ATXN7L1: variants seen among roughly 807,000 people sequenced by gnomAD.
ATXN7L1 encodes ataxin 7 like 1.
In ATXN7L1, 15 loss-of-function variants were observed where a neutral mutation model predicts 70.8. The observed-to-expected ratio is 0.21, with a 90% confidence interval of 0.14 to 0.33. The LOEUF (loss-of-function observed/expected upper bound fraction) is 0.33, where lower values mean the gene tolerates loss of function less well. Ranked by LOEUF, ATXN7L1 falls within the 10% of genes least tolerant of loss-of-function variation. The pLI is 1.00. For missense variants in ATXN7L1, 975 were observed against 1,097.1 expected (o/e 0.89, Z 1.57); for synonymous variants, 440 against 445.1 (o/e 0.99, Z 0.14).
chr7:105,780,711 TA>T (rs763728834), intron 3 of ATXN7L1, among the ~76,000 whole-genome samples: 212 of 151,648 alleles, frequency 1.4e-3, no homozygotes, highest in African/African-American at 3.6e-3. Context: ...CTTTTGCCTT[TA>T]AAAAAAAATT....
intron 3 of ATXN7L1, among the ~76,000 whole-genome samples, chr7:105,728,830 AG>A (rs1384649057): frequency 6.6e-6 from 1 of 152,222 alleles, no homozygotes; most frequent in Non-Finnish European, 1.5e-5. Flanking sequence ...TGTGTATCAA[AG>A]GGACACAAGA....
intron 3 of ATXN7L1, among the ~76,000 whole-genome samples, chr7:105,743,604 T>C (rs1408319719): frequency 2.0e-5 from 3 of 152,160 alleles, no homozygotes; most frequent in Non-Finnish European, 2.9e-5. Flanking sequence ...AGTCCGTGAC[T>C]ATGCTGAATG....
chr7:105,804,884 A>G (rs1253765812), intron 2 of ATXN7L1, among the ~76,000 whole-genome samples: 1 of 152,160 alleles, frequency 6.6e-6, no homozygotes, highest in African/African-American at 2.4e-5. Context: ...CTGGATCTTA[A>G]CTCTTAGGAT....
chr7:105,630,610 T>A (rs1388423641), intron 7 of ATXN7L1, among the ~76,000 whole-genome samples: 1 of 152,054 alleles, frequency 6.6e-6, no homozygotes, highest in Non-Finnish European at 1.5e-5. Flanking sequence ...TAGTCCCAGC[T>A]ACTCGGGAGG....
At chr7:105,743,383 A>T (rs1228517905) in intron 3 of ATXN7L1, among the ~76,000 whole-genome samples, 4 of 152,138 alleles carry the variant, frequency 2.6e-5, no homozygotes. Flanking sequence ...CTTCAGCTGC[A>T]CCTGAGTAAG....
intron 2 of ATXN7L1, among the ~76,000 whole-genome samples, chr7:105,853,506 A>G (rs1308320125): frequency 6.6e-6 from 1 of 152,128 alleles, no homozygotes; most frequent in Non-Finnish European, 1.5e-5. Flanking sequence ...GTGAGCAGAG[A>G]TCGCACCATT....
At chr7:105,789,607 C>G (rs1804833618) in intron 2 of ATXN7L1, among the ~76,000 whole-genome samples, 1 of 151,988 alleles carries the variant, frequency 6.6e-6, no homozygotes, top group African/African-American at 2.4e-5. Flanking sequence ...GAAGCTGAAG[C>G]CAAGGAAGGA....
chr7:105,796,598 ACTGTAGT>A (rs1371547079), intron 2 of ATXN7L1, among the ~76,000 whole-genome samples: 1 of 152,176 alleles, frequency 6.6e-6, no homozygotes, highest in African/African-American at 2.4e-5. Context: ...AAGAACAGCA[ACTGTAGT>A]TCAAGGATAT....
chr7:105,624,876 C>T (rs930032962), intron 7 of ATXN7L1, among the ~76,000 whole-genome samples: 6 of 152,120 alleles, frequency 3.9e-5, no homozygotes, highest in African/African-American at 1.4e-4. Flanking sequence ...GATATGGGAA[C>T]GTGACAAAGT....
In ATXN7L1 at chr7:105,673,694, G is replaced by A. The variant is rs370550623; in HGVS notation, c.356-8406C>T. 9.2e-5 allele frequency among the ~76,000 whole-genome samples: 14 copies of A among 152,314 alleles called. No homozygotes were observed. In the East Asian group the frequency reaches 1.5e-3, roughly 17 times the overall value. On this transcript the variant is annotated intron_variant, in intron 3 of 11. Transcript: ENST00000419735. ...GGCTGGCACCTTGGCACTGGGAGCC[G>A]TGCCAGGAGCCAGGCCAGCTGTACT...
chr7:105,807,904 G>C (rs1807852420), intron 2 of ATXN7L1, among the ~76,000 whole-genome samples: 1 of 152,244 alleles, frequency 6.6e-6, no homozygotes, highest in African/African-American at 2.4e-5. Flanking sequence ...AAGCCATCAA[G>C]TTTTGGGGTG....
At chr7:105,698,313 G>A (rs1258657831) in intron 3 of ATXN7L1, among the ~76,000 whole-genome samples, 1 of 152,090 alleles carries the variant, frequency 6.6e-6, no homozygotes, top group Admixed American at 6.6e-5. Flanking sequence ...TGTAACTGAT[G>A]TCACAATGTC....
rs755233200 is a variant in ATXN7L1, at chr7:105,876,550, C to T, written c.9G>A (p.Ser3=). Reference sequence around the variant, plus strand: ...AGAGACACGGGATTCGAGAACGCTCCGACGTCATCTTCGGAACGTTCCGAC... The same window carrying T: ...AGAGACACGGGATTCGAGAACGCTCTGACGTCATCTTCGGAACGTTCCGAC... MT[S]ERSRIPCLSA... is the part of the protein sequence containing the mutation. The change falls in exon 1 of 12, where the codon TCG becomes TCA. Residue 3 remains serine (S), a synonymous_variant. Transcript: ENST00000419735. 1 of 1,565,926 alleles carries T rather than the reference C, an allele frequency of 6.4e-7. No individual in the cohort carries two copies. Among genetic ancestry groups the T allele is most frequent in the South Asian group, 1.1e-5 (1 of 90,074 alleles).
chr7:105,819,067 C>G (rs370731555), intron 2 of ATXN7L1, among the ~76,000 whole-genome samples: 1 of 146,036 alleles, frequency 6.8e-6, no homozygotes, highest in South Asian at 2.2e-4. Flanking sequence ...CGGTGTGTGA[C>G]GTTCCCCACC....
At chr7:105,691,457 T>C in intron 3 of ATXN7L1, 1 of 152,086 alleles carries the variant, frequency 6.6e-6, no homozygotes. Flanking sequence ...GAAACTCTTA[T>C]GCATCCCCGT....
intron 2 of ATXN7L1, among the ~76,000 whole-genome samples, chr7:105,872,840 C>CA (rs760300999): frequency 0.012 from 1,603 of 136,012 alleles, 8 homozygotes; most frequent in African/African-American, 0.015. Context: ...TATTTTACCA[C>CA]AAAAAAAAAA....
chr7:105,875,597 C>T (rs944039421), intron 2 of ATXN7L1, among the ~76,000 whole-genome samples: 1 of 148,784 alleles, frequency 6.7e-6, no homozygotes, highest in Non-Finnish European at 1.5e-5. Flanking sequence ...GTGCAGTAAA[C>T]TTCTGCCTTC....
intron 2 of ATXN7L1, among the ~76,000 whole-genome samples, chr7:105,791,667 C>G (rs1563096505): frequency 6.6e-6 from 1 of 151,954 alleles, no homozygotes; most frequent in Non-Finnish European, 1.5e-5. Context: ...AGAAAAATAC[C>G]ATTACCAGAA....
intron 2 of ATXN7L1, among the ~76,000 whole-genome samples, chr7:105,845,379 C>T (rs1813861234): frequency 6.6e-6 from 1 of 152,034 alleles, no homozygotes; most frequent in African/African-American, 2.4e-5. Context: ...ACTATAAATA[C>T]AGTTGACAGA....
Sources: gnomAD v4.1 joint callset for allele counts (sites outside exome capture counted in the v4.1 genomes callset) on GRCh38, gnomAD v4.1.1 for gene constraint, MANE v1.5 for transcripts, NCBI Gene and HGNC (gene_info 2026-07-23, HGNC 2026-07-21) for gene names.